The following TRPV3 variants were observed in gnomAD, a reference collection of about 807,000 sequenced individuals.
TRPV3 encodes the protein VRL-3.
In TRPV3, 88 loss-of-function variants were observed where a neutral mutation model predicts 87.1. The observed-to-expected ratio is 1.01, with a 90% CI of 0.85 to 1.21. The LOEUF (loss-of-function observed/expected upper bound fraction) is 1.21. Ranked by LOEUF, TRPV3 falls within the 50% of genes most tolerant of loss-of-function variation. The pLI is 0.00. For missense variants in TRPV3, 1,054 were observed against 1,030.1 expected (o/e 1.02, Z -0.32); for synonymous variants, 438 against 423.3 (o/e 1.03, Z -0.43).
Position 3,556,343 on chromosome 17 carries a change from A to G in TRPV3, c.-3+1333T>C, listed in dbSNP as rs1286095933. Among the ~76,000 whole-genome samples, 1 of 132,362 alleles carries G rather than the reference A, an allele frequency of 7.6e-6. No homozygotes were observed. Among genetic ancestry groups the G allele is most frequent in the Non-Finnish European group, 1.6e-5 (1 of 62,864 alleles). The allele number at this position is 132,362 out of a possible 152,430, so 86.8% of individuals were successfully genotyped here. On this transcript the variant is annotated intron_variant, in intron 1 of 17. Transcript: ENST00000576742. This position sits in a 1 kb window ranked among gnomAD's most constrained non-coding sequence, Gnocchi z 4.2. ...AGACCAGAAGCCAGGGGCCAGGAGGAGGCTGCTGCAGGGGCCATAGGGACG... is the reference window on the plus strand; with the variant it reads ...AGACCAGAAGCCAGGGGCCAGGAGGGGGCTGCTGCAGGGGCCATAGGGACG...
chr17:3,519,890 T>TTAGA (rs2074229180), intron 14 of TRPV3, among the ~76,000 whole-genome samples: 6 of 33,454 alleles, frequency 1.8e-4, no homozygotes, highest in Non-Finnish European at 3.2e-4. Flanking sequence ...GGATGGATGA[T>TTAGA]TGGATGGATG....
intron 14 of TRPV3, among the ~76,000 whole-genome samples, chr17:3,519,615 T>TGGAC (rs2074220796): frequency 6.8e-6 from 1 of 146,814 alleles, no homozygotes; most frequent in African/African-American, 2.6e-5. Context: ...GATGGATGGA[T>TGGAC]GGATGGATGG....
intron 2 of TRPV3, among the ~76,000 whole-genome samples, chr17:3,551,870 CTTTTTTTTTTTTTTTTTTT>C (rs747932928): frequency 4.6e-5 from 2 of 43,360 alleles, no homozygotes; most frequent in Admixed American, 3.8e-4. Context: ...GTAATTTATT[CTTTTTTTTTTTTTTTTTTT>C]TTTTTTTTTT....
chr17:3,535,425 C>T lies in TRPV3; in HGVS notation c.784+148G>A, dbSNP rs544552988. ...CCTCTCTCCTTCCTGTTTCCCCCTC[C>T]CTTCCTCCCTCTCCCTCCTCACTTC... On this transcript the variant is annotated intron_variant, in intron 7 of 17. Coordinates refer to ENST00000576742, the MANE Select transcript of TRPV3 (RefSeq NM_145068.4). 7.2e-5 allele frequency: 51 copies of T among 708,436 alleles called. 1 individual carries two copies. Among genetic ancestry groups the T allele is most frequent in the East Asian group, 2.6e-4 (7 of 26,984 alleles). The allele number at this position is 708,436 out of a possible 1,614,324, so 43.9% of individuals were successfully genotyped here. A position where few individuals can be genotyped will look rare whatever the true frequency, so the allele number is the denominator to read the frequency against.
rs200186199 is a variant in TRPV3, at chr17:3,532,716, T to C, written c.1006A>G (p.Thr336Ala). 1.5e-5 allele frequency: 24 copies of C among 1,614,056 alleles called. No individual in the cohort carries two copies. In the Admixed American group the frequency reaches 3.0e-4, roughly 20 times the overall value. The change falls in exon 8 of 18, where the codon ACT becomes GCT. Residue 336 changes from threonine (T) to alanine (A), a missense_variant. Transcript: ENST00000576742. ...GGCGTGAGGCCATCGTTGTTGCGAG[T>C]GGTCTCCAGCTCCCAGTTGCCACTC... ...LRSGNWELET[T>A]RNNDGLTPLQ...
At chr17:3,524,451 C>G (rs1486682357) in intron 12 of TRPV3, 88 bp from the exon 13 acceptor site, 29 of 1,523,346 alleles carry the variant, frequency 1.9e-5, no homozygotes, top group Non-Finnish European at 2.5e-5. Context: ...TCCCTTAAAC[C>G]CCCTGAACAG....
At chr17:3,519,010 C>G (rs2150780416) in intron 14 of TRPV3, among the ~76,000 whole-genome samples, 160 bp from the exon 15 acceptor site, 1 of 152,204 alleles carries the variant, frequency 6.6e-6, no homozygotes, top group East Asian at 1.9e-4. Flanking sequence ...ATCAGGCTGG[C>G]TTCTCTGGCC....
At chr17:3,529,921 G>T in intron 9 of TRPV3, 106 bp downstream of exon 9, 1 of 1,331,166 alleles carries the variant, frequency 7.5e-7, no homozygotes, top group Non-Finnish European at 1.0e-6. Context: ...TGCAGATGCC[G>T]AGGGATGGAG....
chr17:3,526,827 G>T, intron 12 of TRPV3, 27 bp downstream of exon 12: 2 of 1,594,428 alleles, frequency 1.3e-6, no homozygotes, highest in East Asian at 2.3e-5. Flanking sequence ...CCTGTGAGGC[G>T]ATAACCAAGG....
chr17:3,523,384 T>C (rs901642290), intron 13 of TRPV3, among the ~76,000 whole-genome samples: 17 of 152,274 alleles, frequency 1.1e-4, no homozygotes, highest in Admixed American at 9.8e-4. Flanking sequence ...CTTTTGTCAA[T>C]TGCAACCAAA....
chr17:3,542,236 C>T (rs1057301291), intron 6 of TRPV3, among the ~76,000 whole-genome samples: 16 of 152,360 alleles, frequency 1.1e-4, no homozygotes, highest in Admixed American at 8.5e-4. Context: ...GGATTCCAGG[C>T]GTGAGCCACC....
At chr17:3,552,023 C>T (rs755634019) in intron 2 of TRPV3, among the ~76,000 whole-genome samples, 8 of 149,178 alleles carry the variant, frequency 5.4e-5, no homozygotes, top group Non-Finnish European at 1.0e-4. Flanking sequence ...GCTGGGATTA[C>T]AGGTGCCTAC....
intron 2 of TRPV3, among the ~76,000 whole-genome samples, chr17:3,547,243 G>C (rs2074535516): frequency 6.6e-6 from 1 of 152,230 alleles, no homozygotes; most frequent in Non-Finnish European, 1.5e-5. Context: ...CCTGGCTCTT[G>C]AGGGAGAGGG....
At chr17:3,514,427 G>T in intron 17 of TRPV3, 166 bp downstream of exon 17, 1 of 612,520 alleles carries the variant, frequency 1.6e-6, no homozygotes. Flanking sequence ...TAAAAGTTGT[G>T]CCAACTAGGG....
intron 11 of TRPV3, chr17:3,527,814 T>C (rs1454829622): frequency 1.8e-6 from 1 of 571,324 alleles, no homozygotes; most frequent in East Asian, 3.0e-5. Flanking sequence ...TGGCGGATAG[T>C]TGGGCAGATG....
chr17:3,532,274 A>T (rs960785804), intron 8 of TRPV3, among the ~76,000 whole-genome samples: 1 of 152,224 alleles, frequency 6.6e-6, no homozygotes, highest in African/African-American at 2.4e-5. Flanking sequence ...GCAGCATATT[A>T]GCGCTGCGCC....
At position 3,542,522 on chromosome 17, in the gene TRPV3, C is replaced by T. The variant is rs1761445561; in HGVS notation, c.643G>A (p.Gly215Arg). ...NAEYTEEAYE[G>R]QTALNIAIER... Reference sequence around the variant, plus strand: ...CACAGCCCCTCTGCAGGCAGGATACCTTCATAGGCCTCCTCTGTGTACTCG... The same window carrying T: ...CACAGCCCCTCTGCAGGCAGGATACTTTCATAGGCCTCCTCTGTGTACTCG... The change falls in exon 6 of 18, where the codon GGG becomes AGG. Residue 215 changes from glycine to arginine, a missense_variant and splice_region_variant. By Grantham distance (125) the Gly-to-Arg change is moderately radical. Coordinates refer to ENST00000576742, the MANE Select transcript of TRPV3 (RefSeq NM_145068.4). 1 of 1,612,986 alleles carries T rather than the reference C, an allele frequency of 6.2e-7. No homozygotes were observed. Among genetic ancestry groups the T allele is most frequent in the Non-Finnish European group, 8.5e-7 (1 of 1,179,398 alleles).
In TRPV3 at chr17:3,513,141, C is replaced by T. The variant is rs2074136429; in HGVS notation, c.*776G>A. On this transcript the variant is annotated 3_prime_UTR_variant, in exon 18 of 18. Transcript: ENST00000576742. ...CCTGAGGCCAAATATATAATACTTA[C>T]ATCCAGCCCCAAAGCCCCCAGTCTG... 2 of 152,638 alleles carry T rather than the reference C, an allele frequency of 1.3e-5. No homozygotes were observed. The highest frequency in any genetic ancestry group is 2.4e-5 in the African/African-American group (1 of 41,450). 9.5% of individuals were successfully genotyped at this position (152,638 alleles called of 1,614,324 possible).
chr17:3,550,922 C>T (rs2074567959), intron 2 of TRPV3, among the ~76,000 whole-genome samples: 1 of 152,202 alleles, frequency 6.6e-6, no homozygotes, highest in African/African-American at 2.4e-5. Context: ...GATGAACCTT[C>T]CAGGGACTCC....
Sources: allele counts gnomAD v4.1 joint callset (sites outside exome capture counted in the v4.1 genomes callset), GRCh38; gene constraint gnomAD v4.1.1; non-coding constraint Gnocchi (gnomAD v3.1); transcripts MANE v1.5; gene names NCBI Gene and HGNC (gene_info 2026-07-23, HGNC 2026-07-21).